Variants in GRM7 observed in about 807,000 individuals in gnomAD.
GRM7 encodes the protein metabotropic glutamate receptor 7.
Under a neutral mutation model 84.5 loss-of-function variants are expected in GRM7, and 35 were observed. The ratio of observed to expected loss-of-function variants is 0.41; its 90% CI spans 0.32 to 0.55. The LOEUF (loss-of-function observed/expected upper bound fraction) is 0.55. GRM7 is among the 20% of genes least tolerant of loss of function. The pLI, the probability that GRM7 is intolerant of heterozygous loss-of-function variation, is 0.19. For synonymous variants in GRM7, 487 were observed against 455.1 expected (o/e 1.07, Z -0.89); for missense variants, 1,003 against 1,194.6 (o/e 0.84, Z 2.36).
Position 7,312,163 on chromosome 3 carries a change from G to T in GRM7, c.1033+5511G>T, listed in dbSNP as rs551948370. On this transcript the variant is annotated intron_variant, in intron 4 of 9. Coordinates refer to ENST00000357716, the MANE Select transcript of GRM7 (RefSeq NM_000844.4). Reference sequence around the variant, plus strand: ...TAGCATTTAGGACACTAGGAGCAGTGCTTTGGAACTTTTTAACAGCGGGCA... The same window carrying T: ...TAGCATTTAGGACACTAGGAGCAGTTCTTTGGAACTTTTTAACAGCGGGCA... Among the ~76,000 whole-genome samples, 6 of 152,288 alleles carry T rather than the reference G, an allele frequency of 3.9e-5. No individual in the cohort carries two copies. In the South Asian group the frequency reaches 1.2e-3, roughly 32 times the overall value.
At chr3:7,451,331 A>G (rs1444856884) in intron 5 of GRM7, among the ~76,000 whole-genome samples, 5 of 152,224 alleles carry the variant, frequency 3.3e-5, no homozygotes, top group Admixed American at 6.5e-5. Flanking sequence ...GCATTAAAAT[A>G]TGATTCTATA....
chr3:7,260,039 T>G (rs963989917), intron 2 of GRM7, among the ~76,000 whole-genome samples: 1 of 151,094 alleles, frequency 6.6e-6, no homozygotes, highest in Non-Finnish European at 1.5e-5. Flanking sequence ...ATTTCTCCAG[T>G]GATCAGTGAT....
chr3:7,611,095 T>A (rs1293364728), intron 8 of GRM7, among the ~76,000 whole-genome samples: 2 of 152,180 alleles, frequency 1.3e-5, no homozygotes, highest in Non-Finnish European at 2.9e-5. Context: ...TTAATTCTAA[T>A]GTATATGAGT....
At chr3:7,666,820 A>G (rs1383524800) in intron 8 of GRM7, among the ~76,000 whole-genome samples, 1 of 152,184 alleles carries the variant, frequency 6.6e-6, no homozygotes, top group African/African-American at 2.4e-5. Context: ...AGCCAACCAG[A>G]AAACAAACCT....
chr3:7,216,099 T>C (rs1696600598), intron 2 of GRM7, among the ~76,000 whole-genome samples: 1 of 152,240 alleles, frequency 6.6e-6, no homozygotes, highest in South Asian at 2.1e-4. Flanking sequence ...TTTCCAGCTC[T>C]GATTCTATTT....
intron 7 of GRM7, among the ~76,000 whole-genome samples, chr3:7,501,916 A>C (rs1559365366): frequency 6.6e-6 from 1 of 152,212 alleles, no homozygotes; most frequent in South Asian, 2.1e-4. Context: ...GTCATATAAA[A>C]CCTGCAGTTG....
chr3:6,935,680 T>A (rs1020317637), intron 1 of GRM7, among the ~76,000 whole-genome samples: 1 of 82,480 alleles, frequency 1.2e-5, no homozygotes, highest in Non-Finnish European at 2.3e-5. Context: ...ATTTTTAAAT[T>A]ATTATTATTA....
At chr3:7,401,007 TA>T (rs1472528002) in intron 4 of GRM7, among the ~76,000 whole-genome samples, 2 of 152,176 alleles carry the variant, frequency 1.3e-5, no homozygotes, top group Non-Finnish European at 2.9e-5. Flanking sequence ...GTATTGTTTT[TA>T]TTTTCTTATC....
At chr3:7,174,348 A>G (rs1695077298) in intron 2 of GRM7, among the ~76,000 whole-genome samples, 1 of 152,228 alleles carries the variant, frequency 6.6e-6, no homozygotes, top group Non-Finnish European at 1.5e-5. Flanking sequence ...AAAACATATT[A>G]AAGATAAGAG....
At chr3:7,587,215 G>A (rs1464885557) in intron 8 of GRM7, among the ~76,000 whole-genome samples, 1 of 151,592 alleles carries the variant, frequency 6.6e-6, no homozygotes, top group Non-Finnish European at 1.5e-5. Context: ...TTTTTTTCTT[G>A]AAATGTAATC....
intron 4 of GRM7, among the ~76,000 whole-genome samples, chr3:7,399,811 G>A (rs958853341): frequency 2.0e-5 from 3 of 152,136 alleles, no homozygotes; most frequent in Non-Finnish European, 4.4e-5. Flanking sequence ...GTCCCTTCCT[G>A]CTGTGAGTAG....
chr3:7,042,246 G>T (rs977966367), intron 1 of GRM7, among the ~76,000 whole-genome samples: 1 of 151,936 alleles, frequency 6.6e-6, no homozygotes, highest in East Asian at 1.9e-4. Context: ...AAAAGCATAG[G>T]AATTGAATTG....
At chr3:7,678,796 A>C (rs1700241850) in intron 8 of GRM7, among the ~76,000 whole-genome samples, 1 of 152,228 alleles carries the variant, frequency 6.6e-6, no homozygotes, top group Non-Finnish European at 1.5e-5. Flanking sequence ...TGTTTGAAGA[A>C]TTAAGATCAG....
At chr3:6,940,456 G>A (rs1395989217) in intron 1 of GRM7, among the ~76,000 whole-genome samples, 2 of 152,122 alleles carry the variant, frequency 1.3e-5, no homozygotes, top group Non-Finnish European at 2.9e-5. Flanking sequence ...CAGATCTTAT[G>A]CTTTAACTCA....
At chr3:7,735,258 T>C (rs1702466149) in intron 9 of GRM7, among the ~76,000 whole-genome samples, 1 of 152,290 alleles carries the variant, frequency 6.6e-6, no homozygotes, top group South Asian at 2.1e-4. Flanking sequence ...CAGGCAATAA[T>C]CCAACATGCA....
At chr3:7,063,749 T>C (rs149655639) in intron 1 of GRM7, among the ~76,000 whole-genome samples, 2 of 151,770 alleles carry the variant, frequency 1.3e-5, no homozygotes, top group East Asian at 3.9e-4. Context: ...CCTATTCCAA[T>C]GGAGTGTTGT....
chr3:7,467,048 G>C (rs1318754512), intron 7 of GRM7, among the ~76,000 whole-genome samples: 2 of 152,136 alleles, frequency 1.3e-5, no homozygotes, highest in African/African-American at 2.4e-5. Context: ...GTTATCTGCA[G>C]CCATTAGTCC....
At chr3:7,119,326 A>T (rs1282517357) in intron 1 of GRM7, among the ~76,000 whole-genome samples, 1 of 152,028 alleles carries the variant, frequency 6.6e-6, no homozygotes, top group Non-Finnish European at 1.5e-5. Flanking sequence ...AAAAAATTGC[A>T]TGATGATTTT....
intron 1 of GRM7, among the ~76,000 whole-genome samples, chr3:7,136,123 C>CT (rs1471148821): frequency 6.6e-6 from 1 of 151,688 alleles, no homozygotes; most frequent in African/African-American, 2.4e-5. Flanking sequence ...CATAATATTT[C>CT]TTTTTTTATT....
Sources: allele counts gnomAD v4.1 joint callset (sites outside exome capture counted in the v4.1 genomes callset), GRCh38; gene constraint gnomAD v4.1.1; transcripts MANE v1.5; gene names NCBI Gene and HGNC (gene_info 2026-07-23, HGNC 2026-07-21).